Variants in GFOD2 observed in about 807,000 individuals in gnomAD.
GFOD2 encodes the protein glucose-fructose oxidoreductase domain-containing protein 2.
A neutral mutation model predicts 24.6 loss-of-function variants in GFOD2; 9 were observed. That is an observed-to-expected ratio of 0.37 (90% CI 0.22 to 0.64). The LOEUF is 0.64. Among genes scored for constraint, GFOD2 ranks in the 30% least tolerant of loss-of-function variants. GFOD2 has a pLI of 0.65. For synonymous variants in GFOD2, 211 were observed against 224.8 expected, an observed-to-expected ratio of 0.94 and a Z score of 0.55; for missense variants, 476 against 532.5, an observed-to-expected ratio of 0.89 and a Z score of 1.04.
At chr16:67,715,996 A>G (rs2053503785) in intron 1 of GFOD2, among the ~76,000 whole-genome samples, 1 of 152,212 alleles carries the variant, frequency 6.6e-6, no homozygotes, top group African/African-American at 2.4e-5. Context: ...TGACAGAGCA[A>G]GACCCTGTCT....
chr16:67,718,774 T>C (rs956527548), intron 1 of GFOD2, among the ~76,000 whole-genome samples: 1 of 152,170 alleles, frequency 6.6e-6, no homozygotes, highest in African/African-American at 2.4e-5. Context: ...GAGCCCTTTG[T>C]CTGAGCTTCT....
At chr16:67,678,244 A>C (rs1264127685) in intron 2 of GFOD2, among the ~76,000 whole-genome samples, 1 of 152,228 alleles carries the variant, frequency 6.6e-6, no homozygotes, top group Non-Finnish European at 1.5e-5. Flanking sequence ...TGGGAGGCCA[A>C]GGTGGGTGGA....
chr16:67,705,767 C>T (rs888463001), intron 1 of GFOD2, among the ~76,000 whole-genome samples: 15 of 151,694 alleles, frequency 9.9e-5, no homozygotes, highest in African/African-American at 9.7e-5. Flanking sequence ...CGTGATACTC[C>T]GTCTCTACTA....
In GFOD2 at chr16:67,675,923, G is replaced by A. The variant is rs142530623; in HGVS notation, c.390C>T (p.Phe130=). 8.1e-6 allele frequency: 13 copies of A among 1,614,218 alleles called. No individual in the cohort carries two copies. In the East Asian group the frequency reaches 8.9e-5, roughly 11 times the overall value. Residue 130 remains phenylalanine, a synonymous_variant, in exon 3 of 3, where the codon TTC becomes TTT. Transcript: ENST00000268797. ...CCGAAATCAGCTGTTTCATGCGCACGAAGGCAGGCAGGAAGCGCAGCACGT... is the reference window on the plus strand; with the variant it reads ...CCGAAATCAGCTGTTTCATGCGCACAAAGGCAGGCAGGAAGCGCAGCACGT... ...VGNVLRFLPA[F]VRMKQLISEH... is the part of the protein sequence containing the mutation.
At chr16:67,682,185 G>A (rs1005664502) in intron 2 of GFOD2, 9 of 215,270 alleles carry the variant, frequency 4.2e-5, no homozygotes, top group Admixed American at 6.5e-5. Flanking sequence ...CTATAGGCAC[G>A]TGCCAACACG....
At chr16:67,710,236 C>T (rs553750330) in intron 1 of GFOD2, among the ~76,000 whole-genome samples, 2 of 152,268 alleles carry the variant, frequency 1.3e-5, no homozygotes, top group East Asian at 1.9e-4. Flanking sequence ...AATGATCCTC[C>T]TGCCTAGGCC....
At chr16:67,715,352 G>A (rs767623751) in intron 1 of GFOD2, among the ~76,000 whole-genome samples, 53 of 152,188 alleles carry the variant, frequency 3.5e-4, no homozygotes, top group Admixed American at 5.2e-4. Context: ...GAGCCACCGC[G>A]CCTGGCTCTA....
chr16:67,715,950 G>A (rs2053503329), intron 1 of GFOD2, among the ~76,000 whole-genome samples: 1 of 152,222 alleles, frequency 6.6e-6, no homozygotes, highest in African/African-American at 2.4e-5. Flanking sequence ...AGAGGCTGCA[G>A]TGAGCTGTGA....
At chr16:67,678,349 GC>G (rs1475723215) in intron 2 of GFOD2, among the ~76,000 whole-genome samples, 1 of 152,048 alleles carries the variant, frequency 6.6e-6, no homozygotes, top group East Asian at 1.9e-4. Context: ...GGTGGCACAT[GC>G]CTGTAATCCC....
chr16:67,713,041 C>G (rs1300151279), intron 1 of GFOD2, among the ~76,000 whole-genome samples: 2 of 143,066 alleles, frequency 1.4e-5, no homozygotes, highest in African/African-American at 2.9e-5. Flanking sequence ...CACCACCACA[C>G]CCAGCTAATT....
rs144416857 is a variant in GFOD2, at chr16:67,675,918, C to T, written c.395G>A (p.Arg132His). The T allele has an allele frequency of 2.8e-5, 45 of 1,614,086 alleles. No individual in the cohort carries two copies. The highest frequency in any genetic ancestry group is 2.0e-4 in the African/African-American group (15 of 74,942). The change falls in exon 3 of 3, where the codon CGC becomes CAC. Residue 132 changes from arginine to histidine, a missense_variant. Transcript: ENST00000268797. ...NVLRFLPAFV[R>H]MKQLISEHYV... ...GTGTTCCGAAATCAGCTGTTTCATG[C>T]GCACGAAGGCAGGCAGGAAGCGCAG...
intron 1 of GFOD2, among the ~76,000 whole-genome samples, chr16:67,709,271 G>T (rs1241455078): frequency 6.6e-6 from 1 of 150,384 alleles, no homozygotes; most frequent in Non-Finnish European, 1.5e-5. Flanking sequence ...TTGCACCACT[G>T]TACTCCAGCC....
chr16:67,689,070 C>T (rs555069040), intron 1 of GFOD2, among the ~76,000 whole-genome samples: 1 of 147,594 alleles, frequency 6.8e-6, no homozygotes, highest in South Asian at 2.1e-4. Context: ...AAGACAGTCT[C>T]ACTCTGTTGC....
At chr16:67,710,179 G>A (rs965342927) in intron 1 of GFOD2, among the ~76,000 whole-genome samples, 1 of 151,996 alleles carries the variant, frequency 6.6e-6, no homozygotes, top group African/African-American at 2.4e-5. Context: ...AGGCCGGAGT[G>A]CAGTGGGGCG....
At chr16:67,694,987 CTTTTTTTTT>C (rs542893576) in intron 1 of GFOD2, among the ~76,000 whole-genome samples, 4 of 121,584 alleles carry the variant, frequency 3.3e-5, no homozygotes, top group Non-Finnish European at 5.0e-5. Context: ...CCATCTCTCT[CTTTTTTTTT>C]TTTTTTTTTT....
chr16:67,692,228 TA>T (rs58414730), intron 1 of GFOD2, among the ~76,000 whole-genome samples: 1,111 of 109,270 alleles, frequency 0.01, 4 homozygotes, highest in Middle Eastern at 0.028. Flanking sequence ...ATGAACTTGG[TA>T]AAAAAAAAAA....
intron 1 of GFOD2, among the ~76,000 whole-genome samples, chr16:67,710,717 C>T (rs1415449745): frequency 1.3e-5 from 2 of 152,136 alleles, no homozygotes; most frequent in Non-Finnish European, 2.9e-5. Flanking sequence ...ACTTTGAGTT[C>T]CACGTGAGAA....
intron 1 of GFOD2, among the ~76,000 whole-genome samples, chr16:67,689,331 G>A (rs966663870): frequency 4.8e-5 from 7 of 145,464 alleles, no homozygotes; most frequent in Non-Finnish European, 9.0e-5. Flanking sequence ...GAGCCACCAC[G>A]CCCAGACCAT....
chr16:67,694,905 C>A (rs2053346602), intron 1 of GFOD2, among the ~76,000 whole-genome samples: 1 of 152,044 alleles, frequency 6.6e-6, no homozygotes, highest in Non-Finnish European at 1.5e-5. Flanking sequence ...TTTATTTTAA[C>A]CAGCTTTCAT....
Sources: gnomAD v4.1 joint callset for allele counts (sites outside exome capture counted in the v4.1 genomes callset) on GRCh38, gnomAD v4.1.1 for gene constraint, MANE v1.5 for transcripts, NCBI Gene and HGNC (gene_info 2026-07-23, HGNC 2026-07-21) for gene names.